Variants in RBFOX1 observed in about 807,000 individuals in gnomAD.
RBFOX1 encodes the protein RNA binding protein fox-1 homolog 1.
In RBFOX1, 8 loss-of-function variants were observed where a neutral mutation model predicts 57.7. The observed-to-expected ratio is 0.14, with a 90% CI of 0.08 to 0.25. RBFOX1 has a LOEUF of 0.25. RBFOX1 is among the 10% of genes least tolerant of loss of function. RBFOX1 has a pLI of 1.00. For missense variants in RBFOX1, 611 were observed against 548.5 expected, an observed-to-expected ratio of 1.11 and a Z score of -1.14; for synonymous variants, 326 against 222.4, an observed-to-expected ratio of 1.47 and a Z score of -4.15.
Position 5,843,250 on chromosome 16 carries a change from C to A in RBFOX1, c.319-24053C>A, listed in dbSNP as rs747724524. Among the ~76,000 whole-genome samples, 14 of 152,202 alleles carry A rather than the reference C, an allele frequency of 9.2e-5. No individual in the cohort carries two copies. In the Middle Eastern group the frequency reaches 9.5e-3, roughly 103 times the overall value. ...ATTTCATCGCCAAGGTACTAAGCCT[C>A]GGACCCAATAGTTATTTATTCTGAT... is the stretch of plus-strand genomic sequence containing the variant. On this transcript the variant is annotated intron_variant, in intron 3 of 19. Transcript: ENST00000641259.
chr16:5,524,728 A>G (rs1353335084), intron 2 of RBFOX1, among the ~76,000 whole-genome samples: 2 of 151,794 alleles, frequency 1.3e-5, no homozygotes, highest in African/African-American at 4.8e-5. Flanking sequence ...TTTAGTAGAG[A>G]CAGGGTTTCA....
intron 3 of RBFOX1, among the ~76,000 whole-genome samples, chr16:7,045,812 C>G (rs765140670): frequency 6.6e-6 from 1 of 151,948 alleles, no homozygotes; most frequent in Non-Finnish European, 1.5e-5. Context: ...CATTCCACCA[C>G]GTGTGGCTAA....
At chr16:7,257,426 T>C (rs1485874179) in intron 4 of RBFOX1, among the ~76,000 whole-genome samples, 1 of 152,182 alleles carries the variant, frequency 6.6e-6, no homozygotes, top group Admixed American at 6.5e-5. Context: ...AGGGAAAATG[T>C]ACTGATTGCA....
chr16:7,272,200 T>C (rs1189672161), intron 4 of RBFOX1, among the ~76,000 whole-genome samples: 1 of 152,212 alleles, frequency 6.6e-6, no homozygotes, highest in African/African-American at 2.4e-5. Flanking sequence ...TTTATTTTTT[T>C]TGAGAAAGAG....
chr16:6,736,338 C>G (rs1027248043), intron 3 of RBFOX1, among the ~76,000 whole-genome samples: 1 of 152,080 alleles, frequency 6.6e-6, no homozygotes, highest in East Asian at 1.9e-4. Flanking sequence ...TCCCCAAAGT[C>G]CATTGTATCA....
intron 2 of RBFOX1, among the ~76,000 whole-genome samples, chr16:6,480,976 C>T (rs1411947486): frequency 1.3e-5 from 2 of 152,154 alleles, no homozygotes; most frequent in African/African-American, 4.8e-5. Context: ...CATCCTGTAT[C>T]ACAAGCAATA....
At chr16:6,470,266 A>C (rs867897555) in intron 2 of RBFOX1, among the ~76,000 whole-genome samples, 1 of 152,174 alleles carries the variant, frequency 6.6e-6, no homozygotes, top group Non-Finnish European at 1.5e-5. Context: ...GTAACATTTG[A>C]TCCAGGCATT....
chr16:7,576,050 G>A lies in RBFOX1; in HGVS notation c.271-3727G>A, dbSNP rs983202489. On this transcript the variant is annotated intron_variant, in intron 5 of 15. Coordinates refer to ENST00000550418, the MANE Select transcript of RBFOX1 (RefSeq NM_018723.4). ...CTGGGCTCCAGCCATCTCCCACCTCGGTCTCCCAAGTAGCTGGGATGGCAG... is the reference window on the plus strand; with the variant it reads ...CTGGGCTCCAGCCATCTCCCACCTCAGTCTCCCAAGTAGCTGGGATGGCAG... Among the ~76,000 whole-genome samples, 9 of 151,782 alleles carry A rather than the reference G, an allele frequency of 5.9e-5. 1 individual carries two copies. In the South Asian group the frequency reaches 1.0e-3, roughly 18 times the overall value.
At chr16:7,379,582 C>T (rs2097751636) in intron 4 of RBFOX1, among the ~76,000 whole-genome samples, 1 of 152,074 alleles carries the variant, frequency 6.6e-6, no homozygotes, top group Non-Finnish European at 1.5e-5. Flanking sequence ...TATATATAGA[C>T]AATAAAGAAA....
intron 4 of RBFOX1, among the ~76,000 whole-genome samples, chr16:7,285,478 A>G (rs1205435531): frequency 1.3e-5 from 2 of 152,034 alleles, no homozygotes; most frequent in African/African-American, 4.8e-5. Context: ...CCAACACCAC[A>G]GTCAGGATAA....
chr16:5,572,917 C>T (rs551760970), intron 2 of RBFOX1, among the ~76,000 whole-genome samples: 4 of 152,016 alleles, frequency 2.6e-5, no homozygotes, highest in Non-Finnish European at 5.9e-5. Flanking sequence ...CAGACGGGGA[C>T]AGAAGGCATT....
At chr16:6,649,178 T>G (rs1035318709) in intron 2 of RBFOX1, among the ~76,000 whole-genome samples, 1 of 152,210 alleles carries the variant, frequency 6.6e-6, no homozygotes, top group African/African-American at 2.4e-5. Flanking sequence ...ATTTTTTGTA[T>G]TTGTTTCATG....
chr16:6,213,002 C>T (rs1392335290), intron 1 of RBFOX1, among the ~76,000 whole-genome samples: 1 of 152,122 alleles, frequency 6.6e-6, no homozygotes. Context: ...TTTATATTCA[C>T]TGTTGTGGTC....
intron 3 of RBFOX1, among the ~76,000 whole-genome samples, chr16:6,659,410 T>G (rs2098687064): frequency 1.3e-5 from 2 of 152,156 alleles, no homozygotes; most frequent in South Asian, 4.1e-4. Flanking sequence ...ATAGCTTTCG[T>G]GCTGTGGTTA....
chr16:7,015,681 T>C (rs1241567319), intron 3 of RBFOX1, among the ~76,000 whole-genome samples: 1 of 152,216 alleles, frequency 6.6e-6, no homozygotes, highest in Non-Finnish European at 1.5e-5. Context: ...TTGAAATTTT[T>C]TTATGACTAG....
intron 2 of RBFOX1, among the ~76,000 whole-genome samples, chr16:5,535,182 T>C (rs2044646947): frequency 6.6e-6 from 1 of 152,242 alleles, no homozygotes; most frequent in Non-Finnish European, 1.5e-5. Context: ...TCTAGTTCTT[T>C]AGTCACAGTA....
intron 3 of RBFOX1, among the ~76,000 whole-genome samples, chr16:6,925,593 G>T (rs1223404043): frequency 6.6e-6 from 1 of 151,944 alleles, no homozygotes; most frequent in Non-Finnish European, 1.5e-5. Context: ...GTGGCATAGA[G>T]GAGGCAATCC....
chr16:7,126,059 G>A (rs1312995033), intron 4 of RBFOX1, among the ~76,000 whole-genome samples: 1 of 152,060 alleles, frequency 6.6e-6, no homozygotes, highest in East Asian at 1.9e-4. Context: ...CTGCAGCATG[G>A]GCGACAGAGC....
intron 4 of RBFOX1, among the ~76,000 whole-genome samples, chr16:7,358,996 A>G (rs930137960): frequency 3.3e-5 from 5 of 152,224 alleles, no homozygotes; most frequent in African/African-American, 1.2e-4. Flanking sequence ...TTTGGAATGA[A>G]AAAATCTAAG....
Sources: gnomAD v4.1 joint callset for allele counts (sites outside exome capture counted in the v4.1 genomes callset) on GRCh38, gnomAD v4.1.1 for gene constraint, MANE v1.5 for transcripts, NCBI Gene and HGNC (gene_info 2026-07-23, HGNC 2026-07-21) for gene names.